The following NLGN1 variants were observed in gnomAD, a reference collection of about 807,000 sequenced individuals.
NLGN1 encodes the protein neuroligin 1, also known as neuroligin-1.
A neutral mutation model predicts 65.5 loss-of-function variants in NLGN1; 12 were observed. That is an observed-to-expected ratio of 0.18 (90% confidence interval 0.12 to 0.30). NLGN1 has a LOEUF of 0.30. Ranked by LOEUF, NLGN1 falls within the 10% of genes least tolerant of loss-of-function variation. The pLI is 1.00. For missense variants in NLGN1, 750 were observed against 1,007.1 expected (o/e 0.74, Z 3.46); for synonymous variants, 350 against 359.5 (o/e 0.97, Z 0.30).
intron 4 of NLGN1, among the ~76,000 whole-genome samples, chr3:174,076,983 G>A (rs1271658662): frequency 1.3e-5 from 2 of 152,068 alleles, no homozygotes; most frequent in Admixed American, 1.3e-4. Flanking sequence ...GCAGCTCCAA[G>A]TATGTTCAGC....
intron 3 of NLGN1, among the ~76,000 whole-genome samples, chr3:173,631,477 G>A (rs932098660): frequency 1.3e-5 from 2 of 152,058 alleles, no homozygotes; most frequent in Non-Finnish European, 2.9e-5. Flanking sequence ...TTGAAGGGAC[G>A]GCAAGTGTTT....
At chr3:173,519,397 C>A (rs553033026) in intron 2 of NLGN1, among the ~76,000 whole-genome samples, 1 of 152,312 alleles carries the variant, frequency 6.6e-6, no homozygotes, top group South Asian at 2.1e-4. Flanking sequence ...GCAGCTTGCA[C>A]CATGAACCTA....
chr3:173,718,162 C>T (rs1015353795), intron 3 of NLGN1, among the ~76,000 whole-genome samples: 1 of 152,046 alleles, frequency 6.6e-6, no homozygotes, highest in African/African-American at 2.4e-5. Flanking sequence ...CATTTTGCCT[C>T]TTCTCTTCTA....
At chr3:173,922,210 T>C (rs1742157456) in intron 4 of NLGN1, among the ~76,000 whole-genome samples, 1 of 152,060 alleles carries the variant, frequency 6.6e-6, no homozygotes. Context: ...AAGAACTAAA[T>C]ATTTATGTTT....
At chr3:173,867,273 T>A (rs1316262413) in intron 4 of NLGN1, among the ~76,000 whole-genome samples, 13 of 152,210 alleles carry the variant, frequency 8.5e-5, no homozygotes, top group Non-Finnish European at 1.9e-4. Context: ...TTCCCTGTAT[T>A]GATACAGAAA....
chr3:173,623,907 G>A lies in NLGN1; in HGVS notation c.493+18816G>A, dbSNP rs530151683. Among the ~76,000 whole-genome samples, 48 of 152,172 alleles carry A rather than the reference G, an allele frequency of 3.2e-4. No individual in the cohort carries two copies. The South Asian group carries it at 6.4e-3, about 20-fold the overall frequency. The stretch of plus-strand genomic sequence containing the variant: ...TTTTAAATATTTAAATTATCTTGCC[G>A]TCCCATTGACATCTATTTAAAAGGC... On this transcript the variant is annotated intron_variant, in intron 3 of 6. Transcript: ENST00000457714.
intron 4 of NLGN1, among the ~76,000 whole-genome samples, chr3:173,936,033 A>G (rs1043712734): frequency 6.6e-6 from 1 of 152,044 alleles, no homozygotes; most frequent in Admixed American, 6.6e-5. Flanking sequence ...TAGTTCCCAA[A>G]ATTTTCATAG....
intron 3 of NLGN1, among the ~76,000 whole-genome samples, chr3:173,742,737 TA>T (rs1774839729): frequency 6.6e-6 from 1 of 152,150 alleles, no homozygotes; most frequent in East Asian, 1.9e-4. Context: ...CGATTTGTGC[TA>T]GACATTTTTG....
At chr3:173,435,173 A>G (rs904189329) in intron 2 of NLGN1, 4 of 152,620 alleles carry the variant, frequency 2.6e-5, no homozygotes, top group Non-Finnish European at 5.9e-5. Context: ...CTGTTTCCTG[A>G]CCATCCACCA....
chr3:173,941,434 G>A (rs1324586935), intron 4 of NLGN1, among the ~76,000 whole-genome samples: 4 of 151,980 alleles, frequency 2.6e-5, no homozygotes, highest in Non-Finnish European at 5.9e-5. Flanking sequence ...ATCACTAAAT[G>A]TTTTAGAGTG....
At chr3:174,004,684 T>C (rs1186431710) in intron 4 of NLGN1, among the ~76,000 whole-genome samples, 1 of 152,146 alleles carries the variant, frequency 6.6e-6, no homozygotes, top group Non-Finnish European at 1.5e-5. Flanking sequence ...GGTAAGCAAT[T>C]GGAAAAACAA....
intron 4 of NLGN1, among the ~76,000 whole-genome samples, chr3:174,109,573 T>C (rs1714732510): frequency 6.6e-6 from 1 of 152,112 alleles, no homozygotes; most frequent in African/African-American, 2.4e-5. Context: ...TTTCATATAA[T>C]AATGTTTTTC....
intron 3 of NLGN1, among the ~76,000 whole-genome samples, chr3:173,671,801 G>A (rs1470479024): frequency 2.0e-5 from 3 of 152,144 alleles, no homozygotes; most frequent in Non-Finnish European, 4.4e-5. Flanking sequence ...AGAGATCAGT[G>A]CTCCAATGAG....
chr3:174,064,838 A>G (rs1738167197), intron 4 of NLGN1, among the ~76,000 whole-genome samples: 1 of 150,530 alleles, frequency 6.6e-6, no homozygotes, highest in Admixed American at 6.6e-5. Context: ...AAGGTTATAT[A>G]TATGGATATA....
chr3:173,462,292 C>A (rs1047264861), intron 2 of NLGN1, among the ~76,000 whole-genome samples: 2 of 152,108 alleles, frequency 1.3e-5, no homozygotes, highest in African/African-American at 4.8e-5. Context: ...TAAATATTTG[C>A]AGTTTTATTG....
chr3:173,710,766 G>A (rs768413757), intron 3 of NLGN1, among the ~76,000 whole-genome samples: 4 of 152,114 alleles, frequency 2.6e-5, no homozygotes, highest in Non-Finnish European at 4.4e-5. Flanking sequence ...ACTTTTGGAG[G>A]TATCTAATTC....
At chr3:173,968,800 G>T (rs1202000631) in intron 4 of NLGN1, among the ~76,000 whole-genome samples, 1 of 128,962 alleles carries the variant, frequency 7.8e-6, no homozygotes, top group African/African-American at 2.9e-5. Flanking sequence ...CCAGGTTCAT[G>T]TAATTCTTCT....
At chr3:173,696,981 G>A (rs1035022280) in intron 3 of NLGN1, among the ~76,000 whole-genome samples, 2 of 152,098 alleles carry the variant, frequency 1.3e-5, no homozygotes, top group Admixed American at 1.3e-4. Flanking sequence ...CTGAAAATGG[G>A]CAGTCTGATA....
chr3:173,586,778 T>C (rs185054251), intron 2 of NLGN1, among the ~76,000 whole-genome samples: 1 of 152,272 alleles, frequency 6.6e-6, no homozygotes, highest in East Asian at 1.9e-4. Flanking sequence ...AGAAGCTAGG[T>C]TAGTCTCTTT....
Sources: allele counts gnomAD v4.1 joint callset (sites outside exome capture counted in the v4.1 genomes callset), GRCh38; gene constraint gnomAD v4.1.1; transcripts MANE v1.5; gene names NCBI Gene and HGNC (gene_info 2026-07-23, HGNC 2026-07-21).